The following IP6K3 variants were observed in gnomAD, a reference collection of about 807,000 sequenced individuals.
IP6K3 encodes the protein ATP:1D-myo-inositol-hexakisphosphate phosphotransferase.
In IP6K3, 20 loss-of-function variants were observed where a neutral mutation model predicts 28.8. The observed-to-expected ratio is 0.70, with a 90% CI of 0.49 to 1.01. The LOEUF (loss-of-function observed/expected upper bound fraction) is 1.01, where lower values mean the gene tolerates loss of function less well. Among genes scored for constraint, IP6K3 ranks in the 50% least tolerant of loss-of-function variants. The pLI is 0.00. For synonymous variants in IP6K3, 213 were observed against 221.3 expected (o/e 0.96, Z 0.33); for missense variants, 480 against 537.1 (o/e 0.89, Z 1.05).
intron 3 of IP6K3, among the ~76,000 whole-genome samples, chr6:33,727,406 T>A (rs1561901152): frequency 6.6e-6 from 1 of 152,160 alleles, no homozygotes; most frequent in Non-Finnish European, 1.5e-5. Context: ...GGCGTCACCA[T>A]CTGTGAAATG....
chr6:33,745,251 C>T (rs1019285809), intron 1 of IP6K3, among the ~76,000 whole-genome samples: 6 of 152,212 alleles, frequency 3.9e-5, no homozygotes, highest in African/African-American at 1.4e-4. Flanking sequence ...TATTCAGGCT[C>T]TGTGGAGGGC....
At chr6:33,751,519 T>TGTGTGTGTGTGTGTGTGTG (rs36009611), upstream of IP6K3, among the ~76,000 whole-genome samples, 1 of 89,064 alleles carries the variant, frequency 1.1e-5, no homozygotes, top group African/African-American at 4.0e-5. The surrounding 1 kb of genome is among the most constrained non-coding windows in gnomAD (Gnocchi z 4.3). Context: ...TGTGTGTGTG[T>TGTGTGTGTGTGTGTGTGTG]TTGGCCCCGG....
upstream of IP6K3, among the ~76,000 whole-genome samples, chr6:33,749,436 A>G (rs531767643): frequency 1.3e-5 from 2 of 151,676 alleles, no homozygotes; most frequent in Admixed American, 1.3e-4. Flanking sequence ...ACTTCAGCCA[A>G]TTTCTCTCCA....
the IP6K3 span, among the ~76,000 whole-genome samples, chr6:33,754,434 G>C: frequency 6.6e-6 from 1 of 152,198 alleles, no homozygotes; most frequent in Non-Finnish European, 1.5e-5. Context: ...CTTCAGGGCC[G>C]CTAAAGTAAT....
At chr6:33,745,579 G>T (rs946959532) in intron 1 of IP6K3, among the ~76,000 whole-genome samples, 5 of 152,138 alleles carry the variant, frequency 3.3e-5, no homozygotes, top group Non-Finnish European at 7.4e-5. Context: ...GGGGGTCGGG[G>T]GGCTGGCAGA....
chr6:33,724,837 A>G (rs1411706575), intron 5 of IP6K3, among the ~76,000 whole-genome samples: 1 of 152,200 alleles, frequency 6.6e-6, no homozygotes, highest in African/African-American at 2.4e-5. Flanking sequence ...TGCTCACAAC[A>G]TGAGCAGGAG....
Position 33,722,319 on chromosome 6 carries a change from T to C in IP6K3, c.*401A>G, listed in dbSNP as rs1209698678. ...AAAAACCATGAGCTCATGAACTCAC[T>C]CTTCAAGGCTGCTTCAAGTCAAGTT... is the stretch of plus-strand genomic sequence containing the variant. On this transcript the variant is annotated 3_prime_UTR_variant, in exon 6 of 6. Coordinates refer to ENST00000293756, the MANE Select transcript of IP6K3 (RefSeq NM_054111.5). 5.8e-6 allele frequency: 1 copy of C among 171,954 alleles called. No homozygotes were observed. Among genetic ancestry groups the C allele is most frequent in the Non-Finnish European group, 1.3e-5 (1 of 78,792 alleles). 10.7% of individuals were successfully genotyped at this position (171,954 alleles called of 1,614,324 possible).
chr6:33,759,633 G>A, the IP6K3 span, among the ~76,000 whole-genome samples: 1 of 152,218 alleles, frequency 6.6e-6, no homozygotes, highest in Non-Finnish European at 1.5e-5. Context: ...GAAGGCCAAG[G>A]CAGGTGGATC....
At position 33,735,298 on chromosome 6, in the gene IP6K3, C is replaced by T. The variant is rs560704079; in HGVS notation, c.179G>A (p.Arg60Gln). Residue 60 changes from arginine (R) to glutamine (Q), a missense_variant, in exon 2 of 6, where the codon CGG becomes CAG. Physicochemically the swap from Arg to Gln is conservative, Grantham distance 43. Coordinates refer to ENST00000293756, the MANE Select transcript of IP6K3 (RefSeq NM_054111.5). ...FYESLPLAMK[R>Q]FTPQYKGTVT... ...CTCACCTTTGTACTGTGGGGTGAAC[C>T]GCTTCATGGCCAGCGGCAGGGATTC... The T allele has an allele frequency of 1.9e-5, 30 of 1,612,108 alleles. No homozygotes were observed. In the East Asian group the frequency reaches 2.2e-4, roughly 12 times the overall value.
chr6:33,746,771 G>A lies in IP6K3; in HGVS notation c.-193C>T, dbSNP rs4711343. 64,110 of 152,180 alleles carry A rather than the reference G, an allele frequency of 0.42. 15,846 individuals carry two copies. The highest frequency in any genetic ancestry group is 0.87 in the East Asian group (4,466 of 5,156). The allele number at this position is 152,180 out of a possible 1,614,324, so 9.4% of individuals were successfully genotyped here. A position where few individuals can be genotyped will look rare whatever the true frequency, so the allele number is the denominator to read the frequency against. ...GGCAGCACTCACCAGAGCTTCCTCC[G>A]AGATCGTGGGGAGTGTATGGAAGGC... On this transcript the variant is annotated 5_prime_UTR_variant, in exon 1 of 6. Transcript: ENST00000293756. This position sits in a 1 kb window ranked among gnomAD's most constrained non-coding sequence, Gnocchi z 6.5.
At position 33,723,033 on chromosome 6, in the gene IP6K3, C is replaced by A. The variant is rs371307963; in HGVS notation, c.920G>T (p.Arg307Leu). ...GCTCCTAATGACAGAGAGGAGGGCCCGGAGCTGGTGCAGGATGGGCTCCAG... is the reference window on the plus strand; with the variant it reads ...GCTCCTAATGACAGAGAGGAGGGCCAGGAGCTGGTGCAGGATGGGCTCCAG... ...ELLEPILHQL[R>L]ALLSVIRSQS... Residue 307 changes from arginine to leucine, a missense_variant, in exon 6 of 6, where the codon CGG becomes CTG. Physicochemically the swap from Arg to Leu is moderately radical, Grantham distance 102. Coordinates refer to ENST00000293756, the MANE Select transcript of IP6K3 (RefSeq NM_054111.5). The A allele has an allele frequency of 6.2e-7, 1 of 1,613,948 alleles. No homozygotes were observed. The highest frequency in any genetic ancestry group is 8.5e-7 in the Non-Finnish European group (1 of 1,180,012).
upstream of IP6K3, among the ~76,000 whole-genome samples, chr6:33,751,059 G>A (rs770354296): frequency 7.9e-5 from 12 of 151,984 alleles, no homozygotes; most frequent in African/African-American, 2.4e-5. This position sits in a 1 kb window ranked among gnomAD's most constrained non-coding sequence, Gnocchi z 4.3. Flanking sequence ...TCTCCTCCCC[G>A]CCGCCCCACT....
At chr6:33,745,575 C>T (rs773973089) in intron 1 of IP6K3, among the ~76,000 whole-genome samples, 3 of 151,974 alleles carry the variant, frequency 2.0e-5, no homozygotes, top group Non-Finnish European at 4.4e-5. Context: ...GGTGGGGGGT[C>T]GGGGGGCTGG....
intron 2 of IP6K3, among the ~76,000 whole-genome samples, chr6:33,734,118 G>A (rs573899430): frequency 6.2e-4 from 93 of 149,902 alleles, no homozygotes; most frequent in African/African-American, 2.2e-3. Context: ...CAGGAGAATC[G>A]CTTGAACCTG....
At chr6:33,728,386 T>G (rs1766201728) in intron 2 of IP6K3, 86 bp from the exon 3 acceptor site, 5 of 1,247,728 alleles carry the variant, frequency 4.0e-6, no homozygotes, top group Non-Finnish European at 5.8e-6. Context: ...AGTTGGGAAT[T>G]TAGCTTAATG....
chr6:33,735,223 G>T, intron 2 of IP6K3, 55 bp downstream of exon 2: 1 of 1,481,524 alleles, frequency 6.7e-7, no homozygotes, highest in South Asian at 1.2e-5. Context: ...TGCATTGGAT[G>T]AGCCGGCCCC....
chr6:33,741,514 C>T (rs541576715), intron 1 of IP6K3, among the ~76,000 whole-genome samples: 50 of 151,872 alleles, frequency 3.3e-4, no homozygotes, highest in Non-Finnish European at 5.4e-4. Flanking sequence ...GGTGTGGTGG[C>T]GCATGCCTGT....
chr6:33,752,060 C>T, the IP6K3 span, among the ~76,000 whole-genome samples: 2 of 152,166 alleles, frequency 1.3e-5, no homozygotes, highest in African/African-American at 2.4e-5. Flanking sequence ...GGAGCTGGGA[C>T]GCAGAGGACC....
chr6:33,751,743 C>T (rs1767025610), upstream of IP6K3, among the ~76,000 whole-genome samples: 1 of 152,146 alleles, frequency 6.6e-6, no homozygotes, highest in Non-Finnish European at 1.5e-5. The surrounding 1 kb of genome is among the most constrained non-coding windows in gnomAD (Gnocchi z 4.3). Flanking sequence ...CTGGGGCCCC[C>T]ACTCCTAACA....
Sources: allele counts gnomAD v4.1 joint callset (sites outside exome capture counted in the v4.1 genomes callset), GRCh38; gene constraint gnomAD v4.1.1; non-coding constraint Gnocchi (gnomAD v3.1); transcripts MANE v1.5; gene names NCBI Gene and HGNC (gene_info 2026-07-23, HGNC 2026-07-21).